Variants in PTPRF observed in about 807,000 individuals in gnomAD.
The protein encoded by PTPRF is receptor-type tyrosine-protein phosphatase F.
Under a neutral mutation model 201.8 loss-of-function variants are expected in PTPRF, and 59 were observed. The ratio of observed to expected loss-of-function variants is 0.29; its 90% CI spans 0.24 to 0.36. The LOEUF is 0.36. Ranked by LOEUF, PTPRF falls within the 10% of genes least tolerant of loss-of-function variation. The probability of loss-of-function intolerance (pLI) is 1.00; values close to 1 mark genes in which losing one functional copy is unlikely to be tolerated. For missense variants in PTPRF, 2,132 were observed against 2,690.5 expected (o/e 0.79, Z 4.59); for synonymous variants, 1,088 against 1,089.7 (o/e 1.00, Z 0.03).
chr1:43,613,596 G>C, intron 22 of PTPRF, 22 bp from the exon 23 acceptor site: 2 of 1,592,814 alleles, frequency 1.3e-6, no homozygotes, highest in Middle Eastern at 3.3e-4. Flanking sequence ...AATGCTGCCT[G>C]TGTATGCCCT....
At chr1:43,597,079 ATGAGAGACTGTGTATTTACTG>A (rs1269315323) in intron 11 of PTPRF, among the ~76,000 whole-genome samples, 3 of 151,576 alleles carry the variant, frequency 2.0e-5, no homozygotes, top group Admixed American at 1.3e-4. Flanking sequence ...GTGAGACACC[ATGAGAGACTGTGTATTTACTG>A]TGAGAGACTG....
chr1:43,579,185 C>T (rs1557758354), intron 7 of PTPRF: 3 of 657,798 alleles, frequency 4.6e-6, no homozygotes, highest in South Asian at 3.0e-5. Flanking sequence ...GGTCTTGCCG[C>T]ATGGGCCCGG....
chr1:43,583,022 T>A, intron 7 of PTPRF: 1 of 964,850 alleles, frequency 1.0e-6, no homozygotes, highest in Non-Finnish European at 1.2e-6. Context: ...CCTTGTCTTT[T>A]TTTTATTCCC....
chr1:43,557,767 C>T (rs1047964374), intron 5 of PTPRF, among the ~76,000 whole-genome samples: 6 of 152,126 alleles, frequency 3.9e-5, no homozygotes, highest in African/African-American at 1.4e-4. Flanking sequence ...CGCAAGTACC[C>T]AGACCCTGTC....
chr1:43,562,277 T>G (rs1175081819), intron 5 of PTPRF, among the ~76,000 whole-genome samples: 6 of 151,996 alleles, frequency 3.9e-5, no homozygotes. Flanking sequence ...CCTGACTAAT[T>G]TTTTGTATTT....
At chr1:43,595,894 A>G (rs1411598729) in intron 11 of PTPRF, among the ~76,000 whole-genome samples, 2 of 151,962 alleles carry the variant, frequency 1.3e-5, no homozygotes, top group Non-Finnish European at 2.9e-5. Flanking sequence ...GTTTCATGTG[A>G]GGTGGCAGAG....
In PTPRF at chr1:43,537,258, T is replaced by G. The variant is rs1644079907; in HGVS notation, c.-125-940T>G. On this transcript the variant is annotated intron_variant, in intron 1 of 33. Transcript: ENST00000359947. The surrounding 1 kb of genome is among the most constrained non-coding windows in gnomAD (Gnocchi z 4.8). The stretch of plus-strand genomic sequence containing the variant: ...AATAATGGCTCTAGAAGGAAGGGGC[T>G]GGGCTCTGTCGCTGCATGTGTGCCA... Among the ~76,000 whole-genome samples, 1 of 152,206 alleles carries G rather than the reference T, an allele frequency of 6.6e-6. No individual in the cohort carries two copies. The highest frequency in any genetic ancestry group is 2.1e-4 in the South Asian group (1 of 4,832).
intron 7 of PTPRF, among the ~76,000 whole-genome samples, chr1:43,581,643 G>A (rs534383347): frequency 1.3e-5 from 2 of 152,318 alleles, no homozygotes; most frequent in South Asian, 2.1e-4. Context: ...CAGCCCCAGC[G>A]CCTGGGGACA....
At chr1:43,586,161 G>A (rs1215052468) in intron 7 of PTPRF, among the ~76,000 whole-genome samples, 1 of 152,228 alleles carries the variant, frequency 6.6e-6, no homozygotes, top group Admixed American at 6.5e-5. Flanking sequence ...AGCATCTACA[G>A]CATGGAAACC....
intron 2 of PTPRF, among the ~76,000 whole-genome samples, chr1:43,543,271 A>C (rs1390359701): frequency 1.3e-5 from 2 of 152,224 alleles, no homozygotes; most frequent in Non-Finnish European, 2.9e-5. Context: ...ACCATAGCGC[A>C]AGCTCAGGCA....
chr1:43,555,240 T>C (rs770274844), intron 5 of PTPRF, among the ~76,000 whole-genome samples: 2 of 152,134 alleles, frequency 1.3e-5, no homozygotes, highest in Non-Finnish European at 2.9e-5. Context: ...GAGGAAAAAA[T>C]TAAAATGTCT....
intron 1 of PTPRF, among the ~76,000 whole-genome samples, chr1:43,531,726 C>G (rs1643556433): frequency 6.6e-6 from 1 of 151,974 alleles, no homozygotes; most frequent in African/African-American, 2.4e-5. Context: ...CGGGCTGTAC[C>G]CGCCCCCAAC....
chr1:43,522,893 C>A (rs1042320301), upstream of PTPRF, among the ~76,000 whole-genome samples: 1 of 152,130 alleles, frequency 6.6e-6, no homozygotes, highest in Admixed American at 6.5e-5. Flanking sequence ...GTAAGCCATT[C>A]GAAGGTTTTC....
intron 5 of PTPRF, among the ~76,000 whole-genome samples, chr1:43,560,867 G>T (rs1645759231): frequency 1.3e-5 from 2 of 152,124 alleles, no homozygotes; most frequent in Non-Finnish European, 2.9e-5. Context: ...AGTCCCTTCT[G>T]TCTGTTCCCA....
chr1:43,591,606 G>T, intron 9 of PTPRF, 53 bp downstream of exon 9: 1 of 1,494,340 alleles, frequency 6.7e-7, no homozygotes, highest in Non-Finnish European at 9.0e-7. Context: ...GGGAGGCTGA[G>T]GTTGTGGCGG....
intron 5 of PTPRF, among the ~76,000 whole-genome samples, chr1:43,568,412 G>A (rs1307208396): frequency 1.3e-5 from 2 of 152,170 alleles, no homozygotes; most frequent in African/African-American, 4.8e-5. Context: ...GTCTGCCCCA[G>A]TGGCTCAGCC....
At position 43,591,287 on chromosome 1, in the gene PTPRF, C is replaced by T; in HGVS notation, c.1265C>T (p.Ala422Val). The change falls in exon 9 of 34, where the codon GCA (alanine) becomes GTA (valine). Residue 422 changes from alanine (A) to valine (V), a missense_variant. This residue lies in a region of PTPRF where 351 missense variants were observed against 401.7 expected (regional missense o/e 0.87). Coordinates refer to ENST00000359947, the MANE Select transcript of PTPRF (RefSeq NM_002840.5). ...TCCAGCCCACCGCGCCGCGTGCAGG[C>T]ACGCATGCTGAGCGCCAGCACCATG... ...APSSPPRRVQ[A>V]RMLSASTMLV... The T allele has an allele frequency of 6.4e-7, 1 of 1,555,016 alleles. No homozygotes were observed.
chr1:43,603,841 C>G lies in PTPRF; in HGVS notation c.2689C>G (p.Arg897Gly), dbSNP rs374013593. The change falls in exon 16 of 34, where the codon CGG (arginine) becomes GGG (glycine). Residue 897 changes from arginine (R) to glycine (G), a missense_variant. By Grantham distance (125) the Arg-to-Gly change is moderately radical (BLOSUM62 -2). Around this residue, in one of 6 missense-constraint regions of PTPRF, gnomAD observed 818 missense variants for 915.3 expected, o/e 0.89. Transcript: ENST00000359947. This position sits in a 1 kb window ranked among gnomAD's most constrained non-coding sequence, Gnocchi z 5.8. ...CATCTTCCGGCTTGCTGCCAAGAAC[C>G]GGGCTGGCTTGGGTGAGGAGTTCGA... ...TYIFRLAAKN[R>G]AGLGEEFEKE... is the part of the protein sequence containing the mutation. 3.7e-6 allele frequency: 6 copies of G among 1,614,006 alleles called. No homozygotes were observed. In the African/African-American group the frequency reaches 6.7e-5, roughly 18 times the overall value.
chr1:43,580,631 C>G (rs1283564378), intron 7 of PTPRF, among the ~76,000 whole-genome samples: 1 of 152,224 alleles, frequency 6.6e-6, no homozygotes, highest in Non-Finnish European at 1.5e-5. Context: ...CCACCCTGCC[C>G]CAGGCAGAGT....
Sources: allele counts gnomAD v4.1 joint callset (sites outside exome capture counted in the v4.1 genomes callset), GRCh38; gene constraint gnomAD v4.1.1; regional missense constraint gnomAD v4.1.1; non-coding constraint Gnocchi (gnomAD v3.1); transcripts MANE v1.5; gene names NCBI Gene and HGNC (gene_info 2026-07-23, HGNC 2026-07-21).